Variants in PCLO observed in about 807,000 individuals in gnomAD.
The protein encoded by PCLO is piccolo presynaptic cytomatrix protein.
In PCLO, 82 loss-of-function variants were observed where a neutral mutation model predicts 427.5. That is an observed-to-expected ratio of 0.19 (90% CI 0.16 to 0.23). PCLO has a LOEUF of 0.23. Ranked by LOEUF, PCLO falls within the 10% of genes least tolerant of loss-of-function variation. The pLI is 1.00. For synonymous variants in PCLO, 2,357 were observed against 2,155.4 expected, an observed-to-expected ratio of 1.09 and a Z score of -2.59; for missense variants, 6,239 against 6,115.9, an observed-to-expected ratio of 1.02 and a Z score of -0.67.
In PCLO at chr7:82,835,899, T is replaced by TG. The variant is rs1355400072; in HGVS notation, c.14223-207dup. On this transcript the variant is annotated intron_variant, in intron 15 of 24. Transcript: ENST00000333891. ...CAAGTGTAATACATTCCAAGGCCTT[T>TG]GCTTGTCTAATAATTAGGAGTGTGA... 3.3e-5 allele frequency among the ~76,000 whole-genome samples: 5 copies of TG among 152,278 alleles called. No homozygotes were observed. In the East Asian group the frequency reaches 9.7e-4, roughly 29 times the overall value.
intron 3 of PCLO, among the ~76,000 whole-genome samples, chr7:83,028,595 T>G (rs1167890310): frequency 1.5e-5 from 2 of 137,470 alleles, no homozygotes; most frequent in Non-Finnish European, 3.2e-5. Flanking sequence ...TTCACAGAAT[T>G]GGAAAAAACT....
intron 3 of PCLO, among the ~76,000 whole-genome samples, chr7:83,048,174 C>T (rs887230618): frequency 6.6e-6 from 1 of 151,804 alleles, no homozygotes; most frequent in Non-Finnish European, 1.5e-5. Flanking sequence ...TGTTTTCCCA[C>T]ATTTATTTAG....
chr7:83,148,906 G>T (rs971111671), intron 2 of PCLO, among the ~76,000 whole-genome samples: 1 of 152,172 alleles, frequency 6.6e-6, no homozygotes, highest in Admixed American at 6.5e-5. Context: ...AAACAGGATG[G>T]CAGGGGGTCA....
At chr7:82,859,455 C>T (rs150368948) in intron 10 of PCLO, among the ~76,000 whole-genome samples, 2,574 of 152,278 alleles carry the variant, frequency 0.017, 91 homozygotes, top group African/African-American at 0.059. Context: ...GAACAAGAGT[C>T]TCTGTCTGGT....
chr7:82,903,788 T>G (rs1794117283), intron 8 of PCLO, among the ~76,000 whole-genome samples: 1 of 151,912 alleles, frequency 6.6e-6, no homozygotes. Flanking sequence ...GTTTAAGAAG[T>G]GTGTTCCCAA....
At chr7:82,797,448 T>C (rs1274072504) in intron 22 of PCLO, among the ~76,000 whole-genome samples, 1 of 152,128 alleles carries the variant, frequency 6.6e-6, no homozygotes, top group East Asian at 1.9e-4. Flanking sequence ...GGGAAAACAC[T>C]CATCTGTACA....
chr7:83,030,984 G>A (rs1168693618), intron 3 of PCLO, among the ~76,000 whole-genome samples: 4 of 152,022 alleles, frequency 2.6e-5, no homozygotes, highest in African/African-American at 7.2e-5. Flanking sequence ...TTTTCCTCAG[G>A]CTCTGATATG....
At chr7:82,976,528 T>C (rs941827503) in intron 3 of PCLO, among the ~76,000 whole-genome samples, 1 of 152,216 alleles carries the variant, frequency 6.6e-6, no homozygotes, top group African/African-American at 2.4e-5. Context: ...CAACTTGTTA[T>C]TCAAGGGATG....
intron 18 of PCLO, among the ~76,000 whole-genome samples, chr7:82,826,175 T>C (rs1291028588): frequency 6.6e-6 from 1 of 151,896 alleles, no homozygotes; most frequent in Non-Finnish European, 1.5e-5. Context: ...TCTTAAAATG[T>C]TTTCAGTGAT....
At chr7:83,055,555 C>A (rs906255957) in intron 3 of PCLO, among the ~76,000 whole-genome samples, 1 of 151,950 alleles carries the variant, frequency 6.6e-6, no homozygotes, top group African/African-American at 2.4e-5. Context: ...CTGTTTGGAT[C>A]CATTTTTGAA....
At chr7:82,784,091 G>T (rs1790932597) in intron 22 of PCLO, among the ~76,000 whole-genome samples, 1 of 151,890 alleles carries the variant, frequency 6.6e-6, no homozygotes, top group Non-Finnish European at 1.5e-5. Context: ...TTTCTTCTTT[G>T]ACCCTTTTTC....
At chr7:83,043,101 C>G (rs1789012453) in intron 3 of PCLO, among the ~76,000 whole-genome samples, 2 of 152,110 alleles carry the variant, frequency 1.3e-5, no homozygotes, top group Admixed American at 1.3e-4. Flanking sequence ...TTCAATAGAT[C>G]CTAGTAGCAT....
chr7:83,099,227 A>G (rs1208215465), intron 3 of PCLO, among the ~76,000 whole-genome samples: 2 of 147,768 alleles, frequency 1.4e-5, no homozygotes, highest in African/African-American at 5.0e-5. Context: ...TGGGAGGGAG[A>G]GTGGAGGCAC....
At chr7:83,056,629 A>G (rs1013419521) in intron 3 of PCLO, among the ~76,000 whole-genome samples, 2 of 152,168 alleles carry the variant, frequency 1.3e-5, no homozygotes, top group Non-Finnish European at 2.9e-5. Flanking sequence ...AATATCCTTA[A>G]AAGATTACTT....
chr7:82,983,143 C>G (rs1445395256), intron 3 of PCLO, among the ~76,000 whole-genome samples: 1 of 151,192 alleles, frequency 6.6e-6, no homozygotes, highest in African/African-American at 2.4e-5. Context: ...CATAATTACT[C>G]TTTATTCACA....
chr7:82,798,679 TC>T (rs1791279406), intron 22 of PCLO, among the ~76,000 whole-genome samples: 1 of 152,202 alleles, frequency 6.6e-6, no homozygotes, highest in South Asian at 2.1e-4. Context: ...AGTTTTCTTC[TC>T]CATATTATTA....
intron 4 of PCLO, among the ~76,000 whole-genome samples, chr7:82,958,870 A>AT (rs1795592249): frequency 6.6e-6 from 1 of 152,092 alleles, no homozygotes. Flanking sequence ...GCCAGAGCAC[A>AT]TTTTTTGGAA....
chr7:82,944,615 G>A (rs1795159135), intron 6 of PCLO, among the ~76,000 whole-genome samples: 1 of 152,144 alleles, frequency 6.6e-6, no homozygotes, highest in African/African-American at 2.4e-5. Context: ...CCAGGTATAG[G>A]AGTCGGCAAT....
chr7:83,082,781 G>A (rs890642034), intron 3 of PCLO, among the ~76,000 whole-genome samples: 5 of 151,322 alleles, frequency 3.3e-5, no homozygotes, highest in Non-Finnish European at 7.4e-5. Flanking sequence ...TAATTATTAT[G>A]TACTCATGAT....
Sources: gnomAD v4.1 joint callset for allele counts (sites outside exome capture counted in the v4.1 genomes callset) on GRCh38, gnomAD v4.1.1 for gene constraint, MANE v1.5 for transcripts, NCBI Gene and HGNC (gene_info 2026-07-23, HGNC 2026-07-21) for gene names.